The following CP variants were observed in gnomAD, a reference collection of about 807,000 sequenced individuals.
The protein encoded by CP is ceruloplasmin.
CP carries 64 observed loss-of-function variants against 122.4 expected under a neutral mutation model. The ratio of observed to expected loss-of-function variants is 0.52; its 90% confidence interval spans 0.43 to 0.64. CP has a LOEUF of 0.64. CP is among the 30% of genes least tolerant of loss of function. CP has a pLI of 0.00. For synonymous variants in CP, 440 were observed against 436.4 expected (o/e 1.01, Z -0.10); for missense variants, 1,167 against 1,284.4 (o/e 0.91, Z 1.40).
chr3:149,177,950 G>T lies in CP; in HGVS notation c.2908C>A (p.Gln970Lys), dbSNP rs1249997250. 1 of 1,613,574 alleles carries T rather than the reference G, an allele frequency of 6.2e-7. No homozygotes were observed. Among genetic ancestry groups the T allele is most frequent in the Admixed American group, 1.7e-5 (1 of 60,014 alleles). ...AINGRMFGNL[Q>K]GLTMHVGDEV... is the part of the protein sequence containing the mutation. ...TCTCCCACGTGCATTGTGAGGCCTT[G>T]TAGGTTTCCAAACATTCTTCCATTA... Residue 970 changes from glutamine to lysine, a missense_variant, in exon 17 of 19, where the codon CAA becomes AAA. Gln to Lys is a moderately conservative substitution (Grantham distance 53). Around this residue, in one of 2 missense-constraint regions of CP, gnomAD observed 525 missense variants for 657.2 expected, o/e 0.80. Coordinates refer to ENST00000264613, the MANE Select transcript of CP (RefSeq NM_000096.4).
chr3:149,218,919 C>T (rs1356461906), intron 1 of CP, among the ~76,000 whole-genome samples: 1 of 152,152 alleles, frequency 6.6e-6, no homozygotes, highest in Non-Finnish European at 1.5e-5. Context: ...TCTTATTCTT[C>T]AGCCCATTTA....
downstream of CP, chr3:149,168,403 T>C (rs538746899): frequency 4.0e-5 from 8 of 202,260 alleles, no homozygotes; most frequent in South Asian, 6.7e-4. Flanking sequence ...AAAAGTTGAG[T>C]ATCTAAATTG....
chr3:149,178,329 A>G, intron 16 of CP, 86 bp downstream of exon 16: 2 of 1,114,296 alleles, frequency 1.8e-6, no homozygotes, highest in South Asian at 2.7e-5. Context: ...TTAAGACAAA[A>G]CAAATGAATG....
At chr3:149,187,220 T>A (rs701754) in intron 10 of CP, among the ~76,000 whole-genome samples, 126,704 of 152,198 alleles carry the variant, frequency 0.83, 53,006 homozygotes, top group African/African-American at 0.87. Flanking sequence ...TTTTTGATGA[T>A]TAATATTCTC....
At chr3:149,204,574 G>A (rs1727575608) in intron 6 of CP, among the ~76,000 whole-genome samples, 1 of 152,192 alleles carries the variant, frequency 6.6e-6, no homozygotes. Context: ...TGTAGCATGG[G>A]ACTTAAATCT....
intron 1 of CP, among the ~76,000 whole-genome samples, chr3:149,220,688 T>G (rs1728753035): frequency 6.6e-6 from 1 of 152,170 alleles, no homozygotes. Context: ...TCAATAAGAT[T>G]CAATAATTAC....
At chr3:149,217,164 G>T (rs1258643454) in intron 1 of CP, among the ~76,000 whole-genome samples, 1 of 152,212 alleles carries the variant, frequency 6.6e-6, no homozygotes, top group East Asian at 1.9e-4. Flanking sequence ...CTCCCAAAGT[G>T]CTGGGATTAC....
intron 5 of CP, chr3:149,163,796 C>T (rs373443188): frequency 9.6e-7 from 1 of 1,044,528 alleles, no homozygotes; most frequent in South Asian, 1.3e-5. Flanking sequence ...GATAAGCAAG[C>T]TTTTGTTGTT....
At chr3:149,179,711 TACACACACACACACACACACACAC>T (rs71304221) in intron 14 of CP, 49 bp from the exon 15 acceptor site, 18 of 608,970 alleles carry the variant, frequency 3.0e-5, no homozygotes, top group East Asian at 2.8e-4. Flanking sequence ...GTTTATATTG[TACACACACACACACACACACACAC>T]ACACACACAC....
chr3:149,185,311 G>C lies in CP; in HGVS notation c.2213C>G (p.Ala738Gly). 6.2e-7 allele frequency: 1 copy of C among 1,614,018 alleles called. No individual in the cohort carries two copies. Among genetic ancestry groups the C allele is most frequent in the Non-Finnish European group, 8.5e-7 (1 of 1,180,002 alleles). Residue 738 changes from alanine (A) to glycine (G), a missense_variant, in exon 12 of 19, where the codon GCA becomes GGA. Coordinates refer to ENST00000264613, the MANE Select transcript of CP (RefSeq NM_000096.4). ...GGAATAATCCCATTCCACCTCCACT[G>C]CTGCGATATAGTATGTCCTCTCTCC... ...YLGERTYYIA[A>G]VEVEWDYSPQ...
At chr3:149,215,408 G>C (rs909786870) in intron 1 of CP, among the ~76,000 whole-genome samples, 11 of 152,162 alleles carry the variant, frequency 7.2e-5, no homozygotes, top group Middle Eastern at 3.4e-3. Context: ...TTTTTGGGGG[G>C]GTTAAAATTG....
At chr3:149,170,873 G>A (rs28372892), downstream of CP, among the ~76,000 whole-genome samples, 22,425 of 152,158 alleles carry the variant, frequency 0.15, 2,204 homozygotes, top group East Asian at 0.28. Context: ...TGGGAACATT[G>A]TTCATAACTG....
intron 5 of CP, 30 bp from the exon 6 acceptor site, chr3:149,206,369 A>G: frequency 6.2e-7 from 1 of 1,612,666 alleles, no homozygotes; most frequent in Non-Finnish European, 8.5e-7. Flanking sequence ...GGCATTGATT[A>G]ATGAAGACAA....
intron 4 of CP, 37 bp from the exon 5 acceptor site, chr3:149,207,654 T>C (rs1559956542): frequency 6.2e-7 from 1 of 1,611,056 alleles, no homozygotes; most frequent in East Asian, 2.2e-5. Context: ...CTAAGAGTCA[T>C]TAATGCTTGA....
At position 149,205,839 on chromosome 3, in the gene CP, T is replaced by G. The variant is rs543588523; in HGVS notation, c.1208+329A>C. On this transcript the variant is annotated intron_variant, in intron 6 of 18. Transcript: ENST00000264613. ...ATGGATAGTGGTGACGGCTATGCAA[T>G]AGTGTAACTGTACTTAATGCTGCTG... 7.9e-5 allele frequency among the ~76,000 whole-genome samples: 12 copies of G among 152,290 alleles called. 1 individual carries two copies. In the South Asian group the frequency reaches 2.5e-3, roughly 32 times the overall value.
chr3:149,181,425 C>T (rs190727333), intron 14 of CP, among the ~76,000 whole-genome samples: 98 of 152,270 alleles, frequency 6.4e-4, no homozygotes, highest in African/African-American at 2.3e-3. Flanking sequence ...ACCCTTGCTA[C>T]ACCCTGCTAA....
rs756489812 is a variant in CP, at chr3:149,206,191, T to C, written c.1185A>G (p.Lys395=). ...ACCTTCCAGGTGCTGTTAAGTTTTC[T>C]TTAGTGAAGATGTCTATACCAGAGG... ...YAPSGIDIFT[K]ENLTAPGSDS... Residue 395 remains lysine (K), a synonymous_variant, in exon 6 of 19, where the codon AAA becomes AAG. Transcript: ENST00000264613. 1.2e-6 allele frequency: 2 copies of C among 1,613,852 alleles called. No homozygotes were observed. Among genetic ancestry groups the C allele is most frequent in the Non-Finnish European group, 1.7e-6 (2 of 1,179,850 alleles).
chr3:149,183,479 A>T lies in CP; in HGVS notation c.2412T>A (p.His804Gln). The T allele has an allele frequency of 6.2e-7, 1 of 1,611,582 alleles. No individual in the cohort carries two copies. Among genetic ancestry groups the T allele is most frequent in the South Asian group, 1.1e-5 (1 of 90,974 alleles). Residue 804 changes from histidine to glutamine, a missense_variant, in exon 13 of 19, where the codon CAT (histidine) becomes CAA (glutamine). His to Gln is a conservative substitution (Grantham distance 24, BLOSUM62 0). Transcript: ENST00000264613. Reference protein sequence around the residue: ...VPVERKAEEEHLGILGPQLHA... With the variant: ...VPVERKAEEEQLGILGPQLHA... ...ATATTAACATACCTAGAATTCCCAGATGTTCTTCTTCAGCTTTTCTCTCCA... is the reference window on the plus strand; with the variant it reads ...ATATTAACATACCTAGAATTCCCAGTTGTTCTTCTTCAGCTTTTCTCTCCA...
At chr3:149,202,605 C>CTTTTT (rs34873592) in intron 6 of CP, among the ~76,000 whole-genome samples, 6 of 106,784 alleles carry the variant, frequency 5.6e-5, no homozygotes, top group Admixed American at 1.1e-4. Context: ...TGTTGTTTGT[C>CTTTTT]TTTTTTTTTT....
Sources: gnomAD v4.1 joint callset for allele counts (sites outside exome capture counted in the v4.1 genomes callset) on GRCh38, gnomAD v4.1.1 for gene constraint, gnomAD v4.1.1 regional missense constraint, MANE v1.5 for transcripts, NCBI Gene and HGNC (gene_info 2026-07-23, HGNC 2026-07-21) for gene names.